CCDC157: variants seen among roughly 807,000 people sequenced by gnomAD.
The protein encoded by CCDC157 is coiled-coil domain containing 157.
CCDC157 carries 60 observed loss-of-function variants against 70.9 expected under a neutral mutation model. The observed-to-expected ratio is 0.85, with a 90% CI of 0.69 to 1.05. CCDC157 has a LOEUF of 1.05. CCDC157 is among the 50% of genes least tolerant of loss of function. The pLI is 0.00. For synonymous variants in CCDC157, 373 were observed against 422.4 expected (o/e 0.88, Z 1.43); for missense variants, 943 against 984.2 (o/e 0.96, Z 0.56).
chr22:30,369,945 A>C, intron 4 of CCDC157: 1 of 459,520 alleles, frequency 2.2e-6, no homozygotes, highest in Non-Finnish European at 3.9e-6. Flanking sequence ...CCACTGGGGA[A>C]GAACCACTGT....
At chr22:30,371,468 T>G in intron 5 of CCDC157, 182 bp from the exon 6 acceptor site, 1 of 603,078 alleles carries the variant, frequency 1.7e-6, no homozygotes, top group Non-Finnish European at 2.9e-6. Flanking sequence ...AGCCAGCCCA[T>G]GAGAAGCAGG....
intron 3 of CCDC157, chr22:30,368,901 C>A (rs1317352897): frequency 6.6e-6 from 1 of 152,364 alleles, no homozygotes; most frequent in African/African-American, 2.4e-5. Flanking sequence ...AGGACAGAGA[C>A]CTAGCTGTCT....
intron 10 of CCDC157, 137 bp from the exon 11 acceptor site, chr22:30,376,121 GC>G: frequency 1.4e-6 from 1 of 723,084 alleles, no homozygotes. Flanking sequence ...GGCTTCCTAG[GC>G]CCTGCCCCTA....
intron 2 of CCDC157, among the ~76,000 whole-genome samples, chr22:30,364,086 A>G (rs570595780): frequency 2.8e-4 from 43 of 152,336 alleles, no homozygotes; most frequent in Middle Eastern, 3.4e-3. Context: ...GCTTGAACCC[A>G]GAAGTTTGAG....
At chr22:30,363,494 G>A (rs1271020733) in intron 2 of CCDC157, among the ~76,000 whole-genome samples, 1 of 152,008 alleles carries the variant, frequency 6.6e-6, no homozygotes, top group Non-Finnish European at 1.5e-5. Flanking sequence ...TGGCCTGCTT[G>A]GAGACAATGT....
At chr22:30,364,950 G>A (rs1263456375) in intron 2 of CCDC157, among the ~76,000 whole-genome samples, 2 of 151,992 alleles carry the variant, frequency 1.3e-5, no homozygotes, top group Non-Finnish European at 2.9e-5. Flanking sequence ...TTTTCTTTGC[G>A]ATTCTTTTTC....
In CCDC157 at chr22:30,374,110, T is replaced by G. The variant is rs755806969; in HGVS notation, c.1672+19T>G. Reference sequence around the variant, plus strand: ...ATCCATGGTAGGGGACTGGGGATGGTGCCAAGGGCATGCTGGGGCTCAGGG... The same window carrying G: ...ATCCATGGTAGGGGACTGGGGATGGGGCCAAGGGCATGCTGGGGCTCAGGG... On this transcript the variant is annotated intron_variant, in intron 9 of 11. Transcript: ENST00000338306. 1.3e-6 allele frequency: 2 copies of G among 1,574,636 alleles called. No homozygotes were observed. The highest frequency in any genetic ancestry group is 2.3e-5 in the South Asian group (2 of 86,048).
intron 3 of CCDC157, chr22:30,367,217 T>C (rs367965612): frequency 1.3e-5 from 2 of 151,040 alleles, no homozygotes; most frequent in African/African-American, 2.4e-5. Flanking sequence ...TACAAAAATA[T>C]TTTAAAAATT....
chr22:30,373,680 C>T lies in CCDC157; in HGVS notation c.1419C>T (p.Asp473=). 1.1e-5 allele frequency: 17 copies of T among 1,555,766 alleles called. No homozygotes were observed. Among genetic ancestry groups the T allele is most frequent in the East Asian group, 4.8e-5 (2 of 41,544 alleles). Residue 473 remains aspartate (D), a synonymous_variant, in exon 8 of 12, where the codon GAC becomes GAT. Transcript: ENST00000338306. ...GTGAGGAGCTGCGGGGCAGCCTGGA[C>T]GAGGCTGAGGCCCAGCGGGCCCGCG... is the stretch of plus-strand genomic sequence containing the variant. ...QEREELRGSL[D]EAEAQRARVE...
At chr22:30,356,661 A>T, upstream of CCDC157, 1 of 1,234,374 alleles carries the variant, frequency 8.1e-7, no homozygotes, top group East Asian at 3.1e-5. Flanking sequence ...CCGGCCGCTT[A>T]TTCCTGTGCG....
intron 3 of CCDC157, chr22:30,369,215 C>T (rs1932829655): frequency 1.3e-5 from 5 of 388,276 alleles, no homozygotes; most frequent in Non-Finnish European, 2.3e-5. Flanking sequence ...CCAGGAGACA[C>T]AGAAGAGGCT....
chr22:30,376,130 CT>C, intron 10 of CCDC157, 128 bp from the exon 11 acceptor site: 1 of 777,366 alleles, frequency 1.3e-6, no homozygotes, highest in Non-Finnish European at 2.1e-6. Context: ...GGCCCTGCCC[CT>C]AGGTGAAAGG....
At chr22:30,363,881 T>G (rs1254189569) in intron 2 of CCDC157, among the ~76,000 whole-genome samples, 2 of 152,148 alleles carry the variant, frequency 1.3e-5, no homozygotes, top group East Asian at 3.9e-4. Context: ...GAGATGGGGT[T>G]TCACCATGTT....
At position 30,378,409 on chromosome 22, in the gene CCDC157, A is replaced by G; in HGVS notation, c.*1664A>G. Reference sequence around the variant, plus strand: ...TTTGGGAGGCCGAGGCAGGCGGATCACCTGAGATCGGGAGTTCGAGACCAG... The same window carrying G: ...TTTGGGAGGCCGAGGCAGGCGGATCGCCTGAGATCGGGAGTTCGAGACCAG... On this transcript the variant is annotated 3_prime_UTR_variant, in exon 12 of 12. Coordinates refer to ENST00000338306, the MANE Select transcript of CCDC157 (RefSeq NM_001017437.5). The G allele has an allele frequency of 4.4e-6, 1 of 225,278 alleles. No individual in the cohort carries two copies. Among genetic ancestry groups the G allele is most frequent in the Non-Finnish European group, 9.3e-6 (1 of 107,652 alleles). 14.0% of individuals were successfully genotyped at this position (225,278 alleles called of 1,614,324 possible).
intron 5 of CCDC157, 38 bp downstream of exon 5, chr22:30,370,988 G>A (rs922645379): frequency 1.3e-6 from 2 of 1,575,246 alleles, no homozygotes; most frequent in Non-Finnish European, 1.7e-6. Flanking sequence ...GTGCCCAGGG[G>A]CTCTGCCACA....
Position 30,373,686 on chromosome 22 carries a change from T to C in CCDC157, c.1425T>C (p.Ala475=). The change falls in exon 8 of 12, where the codon GCT becomes GCC. Residue 475 remains alanine (A), a synonymous_variant. Coordinates refer to ENST00000338306, the MANE Select transcript of CCDC157 (RefSeq NM_001017437.5). ...AGCTGCGGGGCAGCCTGGACGAGGCTGAGGCCCAGCGGGCCCGCGTGGAGG... is the reference window on the plus strand; with the variant it reads ...AGCTGCGGGGCAGCCTGGACGAGGCCGAGGCCCAGCGGGCCCGCGTGGAGG... ...REELRGSLDE[A]EAQRARVEEQ... 3 of 1,554,862 alleles carry C rather than the reference T, an allele frequency of 1.9e-6. No homozygotes were observed. The highest frequency in any genetic ancestry group is 1.2e-5 in the South Asian group (1 of 84,540).
upstream of CCDC157, chr22:30,356,765 G>A: frequency 1.4e-6 from 2 of 1,471,580 alleles, no homozygotes; most frequent in South Asian, 1.4e-5. Context: ...GGCGGCGGGG[G>A]CACCGCCTGC....
chr22:30,366,673 G>A (rs562384839), intron 3 of CCDC157: 42 of 217,932 alleles, frequency 1.9e-4, no homozygotes, highest in African/African-American at 8.6e-4. Flanking sequence ...TCACAAGGCC[G>A]GACACGGGAT....
At chr22:30,374,952 GTCT>G (rs1933236002) in intron 9 of CCDC157, 2 of 285,792 alleles carry the variant, frequency 7.0e-6, no homozygotes, top group African/African-American at 2.9e-5. Flanking sequence ...TATTTGCTAA[GTCT>G]TTTTTTTTTT....
Sources: gnomAD v4.1 joint callset for allele counts (sites outside exome capture counted in the v4.1 genomes callset) on GRCh38, gnomAD v4.1.1 for gene constraint, MANE v1.5 for transcripts, NCBI Gene and HGNC (gene_info 2026-07-23, HGNC 2026-07-21) for gene names.